Variants in BCAP31 observed in about 807,000 individuals in gnomAD.
BCAP31 encodes the protein B cell receptor associated protein 31, also known as B-cell receptor-associated protein 31.
For synonymous variants in BCAP31, 75 were observed against 80.9 expected, an observed-to-expected ratio of 0.93 and a Z score of 0.39; for missense variants, 124 against 193.0, an observed-to-expected ratio of 0.64 and a Z score of 2.12.
At position 153,715,635 on chromosome X, in the gene BCAP31, T is replaced by C; in HGVS notation, c.248A>G (p.Gln83Arg). The C allele has an allele frequency of 1.7e-6, 2 of 1,211,755 alleles. No homozygotes were observed. The highest frequency in any genetic ancestry group is 2.2e-6 in the Non-Finnish European group (2 of 895,361). Reference protein sequence around the residue: ...YDDVTEKVNLQNNPGAMEHFH... With the variant: ...YDDVTEKVNLRNNPGAMEHFH... ...GTGCTCCATGGCCCCGGGATTGTTC[T>C]GGAGGTTCACCTTTTCCGTCACATC... is the stretch of plus-strand genomic sequence containing the variant. Residue 83 changes from glutamine to arginine, a missense_variant, in exon 4 of 8, where the codon CAG becomes CGG. Gln to Arg is a conservative substitution (Grantham distance 43). Coordinates refer to ENST00000345046, the MANE Select transcript of BCAP31 (RefSeq NM_001256447.2).
intron 3 of BCAP31, among the ~76,000 whole-genome samples, chrX:153,715,984 C>T (rs1456963265): frequency 9.6e-6 from 1 of 104,662 alleles, no homozygotes; most frequent in Non-Finnish European, 1.9e-5. Flanking sequence ...ATGGCAAAAC[C>T]CCATCTCTAC....
chrX:153,705,150 CAG>C (rs2091545849), intron 4 of BCAP31: 1 of 113,064 alleles, frequency 8.8e-6, no homozygotes, highest in Admixed American at 9.3e-5. Flanking sequence ...GCTTCAACAA[CAG>C]CTTACTCAGA....
At chrX:153,714,427 T>C (rs1174629027) in intron 4 of BCAP31, among the ~76,000 whole-genome samples, 2 of 111,252 alleles carry the variant, frequency 1.8e-5, no homozygotes, top group Non-Finnish European at 3.8e-5. Context: ...CTGACTTTCC[T>C]AAGTTTGAAG....
chrX:153,721,100 C>A, intron 2 of BCAP31, 128 bp from the exon 3 acceptor site: 1 of 531,639 alleles, frequency 1.9e-6, no homozygotes. Context: ...CAAAGTCAGC[C>A]TCAGTGGCTT....
intron 4 of BCAP31, among the ~76,000 whole-genome samples, chrX:153,706,594 C>T (rs1236490815): frequency 8.9e-6 from 1 of 112,790 alleles, no homozygotes; most frequent in African/African-American, 3.2e-5. Context: ...TTCCTCCCAG[C>T]CACTCTTATC....
At chrX:153,719,762 A>G (rs1557050664) in intron 3 of BCAP31, among the ~76,000 whole-genome samples, 1 of 111,430 alleles carries the variant, frequency 9.0e-6, no homozygotes. Flanking sequence ...CACTTACCAC[A>G]GCAAAACAAC....
intron 4 of BCAP31, among the ~76,000 whole-genome samples, chrX:153,712,239 G>A: frequency 1.8e-5 from 2 of 110,424 alleles, no homozygotes; most frequent in Non-Finnish European, 3.8e-5. Context: ...TTGGGCAACA[G>A]AGCAAGACTC....
intron 4 of BCAP31, among the ~76,000 whole-genome samples, chrX:153,711,800 G>C (rs1485671356): frequency 1.8e-5 from 2 of 108,757 alleles, no homozygotes; most frequent in Non-Finnish European, 3.8e-5. Context: ...AGCTACTTGG[G>C]AGGCTGAGGC....
At chrX:153,704,579 G>A (rs1350034438) in intron 4 of BCAP31, among the ~76,000 whole-genome samples, 1 of 112,265 alleles carries the variant, frequency 8.9e-6, no homozygotes, top group Non-Finnish European at 1.9e-5. Context: ...TATAGAAGAG[G>A]AAACTGAAGT....
At chrX:153,722,545 T>C (rs1253689106) in intron 2 of BCAP31, among the ~76,000 whole-genome samples, 1 of 112,079 alleles carries the variant, frequency 8.9e-6, no homozygotes, top group Admixed American at 9.5e-5. Context: ...AGATAATTTT[T>C]CACGAAAAAA....
At chrX:153,702,889 C>T (rs781851353) in intron 6 of BCAP31, 46 bp downstream of exon 6, 1 of 1,196,579 alleles carries the variant, frequency 8.4e-7, no homozygotes, top group East Asian at 3.0e-5. Context: ...GCAGAGGAGG[C>T]TCCTCTGGAC....
chrX:153,722,827 G>T (rs1284338402), intron 2 of BCAP31, among the ~76,000 whole-genome samples: 1 of 110,462 alleles, frequency 9.1e-6, no homozygotes, highest in Non-Finnish European at 1.9e-5. Flanking sequence ...CGAATCCCAC[G>T]CTACCATCCC....
rs2091684740 is a variant in BCAP31, at chrX:153,723,635, G to A, written c.-44-347C>T. The A allele has an allele frequency of 5.2e-6, 6 of 1,164,041 alleles. No individual in the cohort carries two copies. The South Asian group carries it at 7.6e-5, about 15-fold the overall frequency. ...GTTCTTCGGGAAGAGCAGTGCCAGG[G>A]CACCAAGAGGAGGACGCCTCGGCAC... On this transcript the variant is annotated intron_variant, in intron 1 of 7. Transcript: ENST00000345046.
intron 4 of BCAP31, among the ~76,000 whole-genome samples, chrX:153,711,159 AG>A (rs782400558): frequency 5.4e-4 from 15 of 27,920 alleles, no homozygotes; most frequent in Non-Finnish European, 8.8e-4. Context: ...CCTTTCCAGC[AG>A]GGGGCTGCGT....
At position 153,723,057 on chromosome X, in the gene BCAP31, C is replaced by T; in HGVS notation, c.92+96G>A. The T allele has an allele frequency of 2.8e-6, 3 of 1,072,521 alleles. No individual in the cohort carries two copies. In the Admixed American group the frequency reaches 8.3e-5, roughly 30 times the overall value. 88.4% of individuals were successfully genotyped at this position (1,072,521 alleles called of 1,213,427 possible). On this transcript the variant is annotated intron_variant, in intron 2 of 7. Coordinates refer to ENST00000345046, the MANE Select transcript of BCAP31 (RefSeq NM_001256447.2). The stretch of plus-strand genomic sequence containing the variant: ...ACAGGTTCTACCTGTTCCATCGGGT[C>T]CCAATTCCAGGGTCCACCAGCTGCA...
Position 153,702,288 on chromosome X carries a change from G to A in BCAP31, c.602-181C>T, listed in dbSNP as rs1447219399. ...GCAGGCCCCCAAAGTAGAGGGAAAG[G>A]GCTGACAAAAAAGCTCAAGATAAAG... On this transcript the variant is annotated intron_variant, in intron 6 of 7. Coordinates refer to ENST00000345046, the MANE Select transcript of BCAP31 (RefSeq NM_001256447.2). The A allele has an allele frequency of 9.7e-6, 4 of 410,588 alleles. No individual in the cohort carries two copies. In the Admixed American group the frequency reaches 1.8e-4, roughly 18 times the overall value. 33.8% of individuals were successfully genotyped at this position (410,588 alleles called of 1,213,427 possible).
intron 4 of BCAP31, among the ~76,000 whole-genome samples, chrX:153,708,455 G>A (rs1336703514): frequency 2.7e-5 from 3 of 112,405 alleles, no homozygotes. Context: ...GGTTTCAGGC[G>A]AGTCAAGTCA....
chrX:153,710,727 C>T (rs1459121937), intron 4 of BCAP31, among the ~76,000 whole-genome samples: 1 of 111,366 alleles, frequency 9.0e-6, no homozygotes, highest in African/African-American at 3.3e-5. Flanking sequence ...AAAGGCTACT[C>T]GGGAGCTCTC....
At chrX:153,715,718 C>A (rs1557049999) in intron 3 of BCAP31, 29 bp from the exon 4 acceptor site, 1 of 1,206,578 alleles carries the variant, frequency 8.3e-7, no homozygotes, top group Non-Finnish European at 1.1e-6. Context: ...GAGACACGGG[C>A]ATTTAGCGGA....
Sources: gnomAD v4.1 joint callset for allele counts (sites outside exome capture counted in the v4.1 genomes callset) on GRCh38, gnomAD v4.1.1 for gene constraint, MANE v1.5 for transcripts, NCBI Gene and HGNC (gene_info 2026-07-23, HGNC 2026-07-21) for gene names.